The following ATRNL1 variants were observed in gnomAD, a reference collection of about 807,000 sequenced individuals.
ATRNL1 encodes attractin like 1.
A neutral mutation model predicts 182.7 loss-of-function variants in ATRNL1; 95 were observed. The observed-to-expected ratio is 0.52, with a 90% confidence interval of 0.44 to 0.62. The LOEUF is 0.62. ATRNL1 is among the 20% of genes least tolerant of loss of function. ATRNL1 has a pLI of 0.00. For missense variants in ATRNL1, 1,471 were observed against 1,679.5 expected (o/e 0.88, Z 2.17); for synonymous variants, 576 against 568.3 (o/e 1.01, Z -0.19).
chr10:115,316,116 G>A (rs782527104), intron 18 of ATRNL1, among the ~76,000 whole-genome samples: 10 of 152,070 alleles, frequency 6.6e-5, no homozygotes, highest in Non-Finnish European at 1.5e-4. Context: ...CTCACCCCCA[G>A]CCCGGCAACA....
chr10:115,327,805 AATC>A (rs1554933854), intron 18 of ATRNL1, among the ~76,000 whole-genome samples: 1 of 152,036 alleles, frequency 6.6e-6, no homozygotes, highest in Non-Finnish European at 1.5e-5. Context: ...TGAAATTGGA[AATC>A]ATCATTCTCA....
chr10:115,201,096 ATTTG>A (rs1170344697), intron 8 of ATRNL1, among the ~76,000 whole-genome samples: 7 of 145,884 alleles, frequency 4.8e-5, no homozygotes, highest in African/African-American at 1.8e-4. Context: ...TTTTTTGTAA[ATTTG>A]TTTGAGTTCA....
intron 26 of ATRNL1, among the ~76,000 whole-genome samples, chr10:115,647,448 C>T (rs543361395): frequency 6.6e-6 from 1 of 152,266 alleles, no homozygotes; most frequent in Non-Finnish European, 1.5e-5. Flanking sequence ...TCTCTACATC[C>T]TCTCCGGCAC....
chr10:115,186,617 G>A (rs1847950972), intron 8 of ATRNL1, among the ~76,000 whole-genome samples: 3 of 152,088 alleles, frequency 2.0e-5, no homozygotes. Context: ...AAAACTGCAT[G>A]TTCTCACTTA....
chr10:115,831,820 T>G (rs1281288598), intron 27 of ATRNL1, among the ~76,000 whole-genome samples: 1 of 152,094 alleles, frequency 6.6e-6, no homozygotes, highest in Non-Finnish European at 1.5e-5. Context: ...GTTAGGTGCT[T>G]TAAAAAAGTC....
chr10:115,216,679 A>T (rs1849247735), intron 9 of ATRNL1, among the ~76,000 whole-genome samples: 1 of 151,828 alleles, frequency 6.6e-6, no homozygotes, highest in Non-Finnish European at 1.5e-5. Flanking sequence ...AAATCTGGGA[A>T]ATGACTTTTT....
intron 26 of ATRNL1, among the ~76,000 whole-genome samples, chr10:115,673,632 C>G (rs1555042099): frequency 6.6e-6 from 1 of 152,026 alleles, no homozygotes; most frequent in East Asian, 1.9e-4. Context: ...AAAAGTAAAG[C>G]AAATTAATAT....
rs1555028691 is a variant in ATRNL1, at chr10:115,637,608, A to ATTG, written c.3795+88074_3795+88075insGTT. Among the ~76,000 whole-genome samples the ATTG allele has an allele frequency of 3.2e-5, 3 of 94,694 alleles. No individual in the cohort carries two copies. In the East Asian group the frequency reaches 1.1e-3, roughly 34 times the overall value. The allele number at this position is 94,694 out of a possible 152,430, so 62.1% of individuals were successfully genotyped here. On this transcript the variant is annotated intron_variant, in intron 26 of 28. Transcript: ENST00000355044. ...AAGCTAAAGTCAATTTATTACTATT[A>ATTG]TTATTATTATTATTATTATTATTAT...
At chr10:115,408,252 C>G (rs1190556149) in intron 20 of ATRNL1, among the ~76,000 whole-genome samples, 2 of 151,958 alleles carry the variant, frequency 1.3e-5, no homozygotes, top group Admixed American at 1.3e-4. Flanking sequence ...ATCCACCCGC[C>G]TCGGCCTCCC....
chr10:115,914,953 G>A (rs1337770398), intron 28 of ATRNL1, among the ~76,000 whole-genome samples: 2 of 152,020 alleles, frequency 1.3e-5, no homozygotes, highest in Non-Finnish European at 2.9e-5. Context: ...AAAGTATTTG[G>A]AAAAAAACTA....
chr10:115,459,173 C>G (rs599342), intron 21 of ATRNL1, among the ~76,000 whole-genome samples: 2,440 of 152,054 alleles, frequency 0.016, 66 homozygotes, highest in African/African-American at 0.055. Flanking sequence ...ATCTCAGGAC[C>G]CTGTAATAAT....
At chr10:115,461,317 C>A (rs1446963631) in intron 21 of ATRNL1, among the ~76,000 whole-genome samples, 1 of 152,062 alleles carries the variant, frequency 6.6e-6, no homozygotes, top group African/African-American at 2.4e-5. Context: ...TTGGTTCCAG[C>A]ATTATGTATG....
At chr10:115,386,106 G>A (rs576560340) in intron 19 of ATRNL1, among the ~76,000 whole-genome samples, 2 of 152,066 alleles carry the variant, frequency 1.3e-5, no homozygotes, top group East Asian at 1.9e-4. Context: ...GGCTGGAATT[G>A]TATTGAAATT....
chr10:115,752,149 CA>C (rs1330866157), intron 27 of ATRNL1, among the ~76,000 whole-genome samples: 2 of 151,958 alleles, frequency 1.3e-5, no homozygotes, highest in Non-Finnish European at 1.5e-5. Context: ...AAGCAGTTTT[CA>C]AAACTGATAG....
intron 19 of ATRNL1, among the ~76,000 whole-genome samples, chr10:115,389,331 C>A (rs573768822): frequency 6.6e-6 from 1 of 151,042 alleles, no homozygotes; most frequent in Admixed American, 6.6e-5. Context: ...ATAGTGAAAC[C>A]CCATCTCTAC....
intron 20 of ATRNL1, among the ~76,000 whole-genome samples, chr10:115,419,857 A>G (rs1057219312): frequency 6.6e-6 from 1 of 152,224 alleles, no homozygotes; most frequent in Admixed American, 6.5e-5. Flanking sequence ...CAATGTGCAG[A>G]TCGTCCAGAC....
intron 21 of ATRNL1, among the ~76,000 whole-genome samples, chr10:115,437,960 A>G (rs941757734): frequency 1.3e-5 from 2 of 152,020 alleles, no homozygotes; most frequent in African/African-American, 4.8e-5. Context: ...CTTGTATAAA[A>G]TAACCTAGTT....
chr10:115,183,320 A>G (rs1847818267), intron 8 of ATRNL1, among the ~76,000 whole-genome samples: 2 of 151,584 alleles, frequency 1.3e-5, no homozygotes, highest in Admixed American at 6.6e-5. Context: ...GAAAAAGAAT[A>G]GCTAAACCAA....
intron 28 of ATRNL1, among the ~76,000 whole-genome samples, chr10:115,901,413 A>G (rs529328949): frequency 1.3e-5 from 2 of 152,340 alleles, no homozygotes; most frequent in African/African-American, 2.4e-5. Flanking sequence ...AAAATTCTTT[A>G]ACTTATTCTT....
Sources: gnomAD v4.1 joint callset for allele counts (sites outside exome capture counted in the v4.1 genomes callset) on GRCh38, gnomAD v4.1.1 for gene constraint, MANE v1.5 for transcripts, NCBI Gene and HGNC (gene_info 2026-07-23, HGNC 2026-07-21) for gene names.